KREMEN1: variants seen among roughly 807,000 people sequenced by gnomAD.
KREMEN1 encodes kremen protein 1.
Under a neutral mutation model 46.5 loss-of-function variants are expected in KREMEN1, and 30 were observed. The observed-to-expected ratio is 0.65, with a 90% CI of 0.48 to 0.88. The LOEUF (loss-of-function observed/expected upper bound fraction) is 0.88, where lower values mean the gene tolerates loss of function less well. Ranked by LOEUF, KREMEN1 falls within the 40% of genes least tolerant of loss-of-function variation. KREMEN1 has a pLI of 0.00. For synonymous variants in KREMEN1, 214 were observed against 230.6 expected, an observed-to-expected ratio of 0.93 and a Z score of 0.65; for missense variants, 533 against 596.9, an observed-to-expected ratio of 0.89 and a Z score of 1.11.
At chr22:29,131,560 A>ATATATATATATATATG (rs1240832937) in intron 5 of KREMEN1, among the ~76,000 whole-genome samples, 1 of 69,940 alleles carries the variant, frequency 1.4e-5, no homozygotes, top group African/African-American at 8.3e-5. Flanking sequence ...ATATATATAT[A>ATATATATATATATATG]TGTGTGTGTG....
At chr22:29,111,894 C>T (rs1014079581) in intron 3 of KREMEN1, among the ~76,000 whole-genome samples, 4 of 152,144 alleles carry the variant, frequency 2.6e-5, no homozygotes, top group Non-Finnish European at 5.9e-5. Flanking sequence ...CTATGATGGC[C>T]GTGCCTTCTG....
chr22:29,163,204 T>C (rs537762642), intron 9 of KREMEN1, among the ~76,000 whole-genome samples: 1 of 152,234 alleles, frequency 6.6e-6, no homozygotes, highest in African/African-American at 2.4e-5. Context: ...AAGTGGAATT[T>C]TTTCCTGCTC....
chr22:29,127,533 C>T (rs985029687), intron 5 of KREMEN1, among the ~76,000 whole-genome samples: 7 of 151,988 alleles, frequency 4.6e-5, no homozygotes, highest in African/African-American at 7.3e-5. Context: ...TGGTGGCACA[C>T]GTGCCTGTAA....
At position 29,125,245 on chromosome 22, in the gene KREMEN1, G is replaced by A. The variant is rs770673230; in HGVS notation, c.478-18G>A. The A allele has an allele frequency of 6.2e-7, 1 of 1,613,566 alleles. No individual in the cohort carries two copies. Among genetic ancestry groups the A allele is most frequent in the South Asian group, 1.1e-5 (1 of 91,052 alleles). ...TCCCTGATGATGCTTACCGTGTGCT[G>A]CTTCTCTGTTGTGGCAGTTTGCTGG... On this transcript the variant is annotated intron_variant, in intron 4 of 8. Transcript: ENST00000400335.
intron 3 of KREMEN1, among the ~76,000 whole-genome samples, chr22:29,118,720 T>G (rs1298704807): frequency 6.6e-6 from 1 of 152,156 alleles, no homozygotes; most frequent in African/African-American, 2.4e-5. Context: ...TATTGGGAAT[T>G]CAGGCTTCAA....
intron 3 of KREMEN1, among the ~76,000 whole-genome samples, chr22:29,110,613 T>G (rs1041115512): frequency 6.6e-6 from 1 of 152,230 alleles, no homozygotes; most frequent in Non-Finnish European, 1.5e-5. Context: ...AAGGGCAGAA[T>G]TCCACAGAGG....
chr22:29,118,140 T>C (rs554772558), intron 3 of KREMEN1, among the ~76,000 whole-genome samples: 1 of 152,346 alleles, frequency 6.6e-6, no homozygotes, highest in East Asian at 1.9e-4. Flanking sequence ...TTCTTTTTCT[T>C]GTGGGATGTT....
At chr22:29,081,881 G>A (rs932491785) in intron 1 of KREMEN1, among the ~76,000 whole-genome samples, 1 of 152,142 alleles carries the variant, frequency 6.6e-6, no homozygotes, top group African/African-American at 2.4e-5. Context: ...AGAGATATAT[G>A]GTCTACCTGG....
intron 1 of KREMEN1, among the ~76,000 whole-genome samples, chr22:29,093,620 T>C (rs1179023713): frequency 1.3e-5 from 2 of 152,178 alleles, no homozygotes; most frequent in African/African-American, 4.8e-5. Flanking sequence ...TGAGAGAAAA[T>C]GCCAGCCCGG....
chr22:29,154,187 C>G (rs1237140947), intron 9 of KREMEN1, among the ~76,000 whole-genome samples: 1 of 152,112 alleles, frequency 6.6e-6, no homozygotes, highest in Non-Finnish European at 1.5e-5. Context: ...CCCTATTTAT[C>G]AAACTCCAAG....
At chr22:29,151,116 C>T (rs1233286977), downstream of KREMEN1, among the ~76,000 whole-genome samples, 4 of 152,162 alleles carry the variant, frequency 2.6e-5, no homozygotes, top group Non-Finnish European at 5.9e-5. Context: ...TATTTGATGA[C>T]ACAAACCCCT....
chr22:29,118,634 C>T (rs147400217), intron 3 of KREMEN1, among the ~76,000 whole-genome samples: 183 of 152,164 alleles, frequency 1.2e-3, no homozygotes, highest in Admixed American at 4.6e-3. Context: ...GCAGTGATTC[C>T]ATCATGGGGG....
chr22:29,103,447 T>G (rs576542448), intron 3 of KREMEN1, among the ~76,000 whole-genome samples: 253 of 152,320 alleles, frequency 1.7e-3, no homozygotes, highest in African/African-American at 5.9e-3. Flanking sequence ...TGAACTGCTC[T>G]TGACCTGCAG....
chr22:29,105,456 C>T (rs1460969065), intron 3 of KREMEN1, among the ~76,000 whole-genome samples: 1 of 144,488 alleles, frequency 6.9e-6, no homozygotes, highest in African/African-American at 2.6e-5. Flanking sequence ...CATGAGCGTG[C>T]GTGTGCGCAC....
In KREMEN1 at chr22:29,073,181, G is replaced by T; in HGVS notation, c.51G>T (p.Thr17=). ...CCCTGCTCTCCGCCGCGGCGCTCACGCTGGCGGCCCGGCCCGCGCCTAGCC... is the reference window on the plus strand; with the variant it reads ...CCCTGCTCTCCGCCGCGGCGCTCACTCTGGCGGCCCGGCCCGCGCCTAGCC... ...RLALLSAAAL[T]LAARPAPSPG... Residue 17 remains threonine (T), a synonymous_variant, in exon 1 of 9, where the codon ACG becomes ACT. Coordinates refer to ENST00000400335, the MANE Select transcript of KREMEN1 (RefSeq NM_001039570.3). This position sits in a 1 kb window ranked among gnomAD's most constrained non-coding sequence, Gnocchi z 4.4. 1 of 1,179,654 alleles carries T rather than the reference G, an allele frequency of 8.5e-7. No homozygotes were observed. 73.1% of individuals were successfully genotyped at this position (1,179,654 alleles called of 1,614,324 possible). A position where few individuals can be genotyped will look rare whatever the true frequency, so the allele number is the denominator to read the frequency against.
At chr22:29,087,404 A>AGAAAAAT (rs1198950239) in intron 1 of KREMEN1, among the ~76,000 whole-genome samples, 1 of 152,228 alleles carries the variant, frequency 6.6e-6, no homozygotes, top group African/African-American at 2.4e-5. Context: ...AAGAATATAG[A>AGAAAAAT]GAAAAATGTT....
chr22:29,140,325 C>G lies in KREMEN1; in HGVS notation c.1167C>G (p.Val389=), dbSNP rs1569335894. The change falls in exon 8 of 9, where the codon GTC becomes GTG. Residue 389 remains valine, a synonymous_variant. Transcript: ENST00000400335. ...YGLATLLILT[V]TAIVAKILLH... ...TGGCAACTCTCCTCATCCTCACAGTCACAGCCATTGTAGCAAAGATACTTC... is the reference window on the plus strand; with the variant it reads ...TGGCAACTCTCCTCATCCTCACAGTGACAGCCATTGTAGCAAAGATACTTC... 1 of 1,614,120 alleles carries G rather than the reference C, an allele frequency of 6.2e-7. No homozygotes were observed. The highest frequency in any genetic ancestry group is 1.7e-5 in the Admixed American group (1 of 60,026).
intron 7 of KREMEN1, 80 bp downstream of exon 7, chr22:29,138,862 A>G (rs1484624636): frequency 2.5e-6 from 4 of 1,597,562 alleles, no homozygotes; most frequent in Non-Finnish European, 3.4e-6. Flanking sequence ...ATAAAGACAA[A>G]AGCACTTGGG....
Position 29,073,253 on chromosome 22 carries a change from C to T in KREMEN1, c.97+26C>T. 9.4e-7 allele frequency: 1 copy of T among 1,059,982 alleles called. No homozygotes were observed. The highest frequency in any genetic ancestry group is 1.2e-6 in the Non-Finnish European group (1 of 846,046). 65.7% of individuals were successfully genotyped at this position (1,059,982 alleles called of 1,614,324 possible). A position where few individuals can be genotyped will look rare whatever the true frequency, so the allele number is the denominator to read the frequency against. Reference sequence around the variant, plus strand: ...GTGAGTGTGAGCGACCCCCCGCCGCCCGCCCTGAGCGGAGCCCACTCGAGG... The same window carrying T: ...GTGAGTGTGAGCGACCCCCCGCCGCTCGCCCTGAGCGGAGCCCACTCGAGG... On this transcript the variant is annotated intron_variant, in intron 1 of 8. Transcript: ENST00000400335. The surrounding 1 kb of genome is among the most constrained non-coding windows in gnomAD (Gnocchi z 4.4).
Sources: allele counts gnomAD v4.1 joint callset (sites outside exome capture counted in the v4.1 genomes callset), GRCh38; gene constraint gnomAD v4.1.1; non-coding constraint Gnocchi (gnomAD v3.1); transcripts MANE v1.5; gene names NCBI Gene and HGNC (gene_info 2026-07-23, HGNC 2026-07-21).